ZFP36: variants seen among roughly 807,000 people sequenced by gnomAD.
The protein encoded by ZFP36 is mRNA decay activator protein ZFP36.
In ZFP36, 13 loss-of-function variants were observed where a neutral mutation model predicts 19.8. That is an observed-to-expected ratio of 0.66 (90% CI 0.43 to 1.04). ZFP36 has a LOEUF of 1.04. Ranked by LOEUF, ZFP36 falls within the 50% of genes least tolerant of loss-of-function variation. ZFP36 has a pLI of 0.00. For missense variants in ZFP36, 354 were observed against 441.6 expected (o/e 0.80, Z 1.78); for synonymous variants, 191 against 194.5 (o/e 0.98, Z 0.15).
rs1244632460 is a variant in ZFP36 at position 39,408,610 on chromosome 19, G to A, written c.892G>A (p.Val298Ile). 1 of 1,611,162 alleles carries A rather than the reference G, an allele frequency of 6.2e-7. No homozygotes were observed. The highest frequency in any genetic ancestry group is 1.7e-5 in the Admixed American group (1 of 59,398). Residue 298 changes from valine to isoleucine, a missense_variant, in exon 2 of 2, where the codon GTC becomes ATC. Physicochemically the swap from Val to Ile is conservative, Grantham distance 29 (BLOSUM62 3). Coordinates refer to ENST00000597629, the MANE Select transcript of ZFP36 (RefSeq NM_003407.5). This position sits in a 1 kb window ranked among gnomAD's most constrained non-coding sequence, Gnocchi z 6.0. ...CAGCCTGGGGGGCTCTGACTCTCCC[G>A]TCTTCGAGGCGGGAGTTTTTGCACC... ...GSSLGGSDSP[V>I]FEAGVFAPPQ... is the part of the protein sequence containing the mutation.
At position 39,408,680 on chromosome 19, in the gene ZFP36, G is replaced by T; in HGVS notation, c.962G>T (p.Arg321Leu). ...CCCCGGCGACTCCCCATCTTCAATC[G>T]CATCTCTGTTTCTGAGTGACAAAGT... is the stretch of plus-strand genomic sequence containing the variant. ...AAPRRLPIFN[R>L]ISVSE Residue 321 changes from arginine (R) to leucine (L), a missense_variant, in exon 2 of 2, where the codon CGC becomes CTC. Coordinates refer to ENST00000597629, the MANE Select transcript of ZFP36 (RefSeq NM_003407.5). This position sits in a 1 kb window ranked among gnomAD's most constrained non-coding sequence, Gnocchi z 6.0. 1.9e-6 allele frequency: 3 copies of T among 1,565,838 alleles called. No homozygotes were observed. The highest frequency in any genetic ancestry group is 2.6e-6 in the Non-Finnish European group (3 of 1,161,128).
Position 39,408,434 on chromosome 19 carries a change from C to T in ZFP36, c.716C>T (p.Pro239Leu), listed in dbSNP as rs1256123375. ...PSAFSAAPGT[P>L]LARRDPTPVC... ...GCCTTCTCTGCTGCCCCTGGCACCC[C>T]CCTGGCTCGAAGAGACCCCACCCCA... The change falls in exon 2 of 2, where the codon CCC (proline) becomes CTC (leucine). Residue 239 changes from proline to leucine, a missense_variant. Physicochemically the swap from Pro to Leu is moderately conservative, Grantham distance 98. Transcript: ENST00000597629. This position sits in a 1 kb window ranked among gnomAD's most constrained non-coding sequence, Gnocchi z 6.0. 13 of 1,613,000 alleles carry T rather than the reference C, an allele frequency of 8.1e-6. No homozygotes were observed. Among genetic ancestry groups the T allele is most frequent in the Admixed American group, 3.3e-5 (2 of 59,930 alleles).
In ZFP36 at chr19:39,407,880, G is replaced by T. The variant is rs752591532; in HGVS notation, c.162G>T (p.Leu54=). 6.2e-7 allele frequency: 1 copy of T among 1,604,340 alleles called. No homozygotes were observed. Among genetic ancestry groups the T allele is most frequent in the South Asian group, 1.1e-5 (1 of 90,934 alleles). ...GCCCGTCTGGGGTCACCTCCCGCCT[G>T]CCTGGCCGCTCCACCAGCCTAGTGG... is the stretch of plus-strand genomic sequence containing the variant. ...DSSPSGVTSR[L]PGRSTSLVEG... is the part of the protein sequence containing the mutation. Residue 54 remains leucine, a synonymous_variant, in exon 2 of 2, where the codon CTG becomes CTT. Transcript: ENST00000597629. The surrounding 1 kb of genome is among the most constrained non-coding windows in gnomAD (Gnocchi z 7.6).
At position 39,406,893 on chromosome 19, in the gene ZFP36, A is replaced by T; in HGVS notation, c.-12A>T. On this transcript the variant is annotated 5_prime_UTR_variant, in exon 1 of 2. Coordinates refer to ENST00000597629, the MANE Select transcript of ZFP36 (RefSeq NM_003407.5). ...CTCTCGGCCGACACCCCTCATGGCC[A>T]ACCGTTACACCATGGATCTGACTGC... is the stretch of plus-strand genomic sequence containing the variant. The T allele has an allele frequency of 6.2e-7, 1 of 1,606,568 alleles. No homozygotes were observed. The highest frequency in any genetic ancestry group is 8.5e-7 in the Non-Finnish European group (1 of 1,177,250).
chr19:39,408,255 T>G lies in ZFP36; in HGVS notation c.537T>G (p.Pro179=). The change falls in exon 2 of 2, where the codon CCT becomes CCG. Residue 179 remains proline, a synonymous_variant. Transcript: ENST00000597629. The surrounding 1 kb of genome is among the most constrained non-coding windows in gnomAD (Gnocchi z 6.0). ...SEDLAAPGHP[P]VLRQSISFSG... ...ACCTGGCGGCCCCGGGCCACCCTCCTGTGCTTCGCCAGAGCATCAGCTTCT... is the reference window on the plus strand; with the variant it reads ...ACCTGGCGGCCCCGGGCCACCCTCCGGTGCTTCGCCAGAGCATCAGCTTCT... The G allele has an allele frequency of 1.2e-6, 2 of 1,613,720 alleles. No homozygotes were observed. The highest frequency in any genetic ancestry group is 2.2e-5 in the East Asian group (1 of 44,884).
Position 39,407,796 on chromosome 19 carries a change from T to C in ZFP36, c.78T>C (p.Thr26=). Residue 26 remains threonine, a synonymous_variant, in exon 2 of 2, where the codon ACT becomes ACC. Transcript: ENST00000597629. This position sits in a 1 kb window ranked among gnomAD's most constrained non-coding sequence, Gnocchi z 7.6. ...CCGTGCCATCCGACCATGGAGGGAC[T>C]GAGTCCAGCCCAGGCTGGGGCTCCT... ...DVPVPSDHGG[T]ESSPGWGSSG... The C allele has an allele frequency of 6.3e-7, 1 of 1,585,040 alleles. No homozygotes were observed. The highest frequency in any genetic ancestry group is 8.6e-7 in the Non-Finnish European group (1 of 1,168,572).
chr19:39,406,890 G>T lies in ZFP36; in HGVS notation c.-15G>T. ...CCACTCTCGGCCGACACCCCTCATG[G>T]CCAACCGTTACACCATGGATCTGAC... On this transcript the variant is annotated 5_prime_UTR_variant, in exon 1 of 2. Transcript: ENST00000597629. 1 of 1,608,338 alleles carries T rather than the reference G, an allele frequency of 6.2e-7. No homozygotes were observed. Among genetic ancestry groups the T allele is most frequent in the Non-Finnish European group, 8.5e-7 (1 of 1,178,216 alleles).
rs774467387 is a variant in ZFP36, at chr19:39,408,299, G to A, written c.581G>A (p.Arg194His). 8.7e-6 allele frequency: 14 copies of A among 1,613,134 alleles called. No homozygotes were observed. Among genetic ancestry groups the A allele is most frequent in the African/African-American group, 1.3e-5 (1 of 74,926 alleles). ...AGCTTCTCCGGCCTGCCCTCTGGCC[G>A]CCGGACCTCACCACCACCACCAGGC... ...SISFSGLPSGRRTSPPPPGLA... is the reference protein window; with the variant it reads ...SISFSGLPSGHRTSPPPPGLA... The change falls in exon 2 of 2, where the codon CGC becomes CAC. Residue 194 changes from arginine (R) to histidine (H), a missense_variant. By Grantham distance (29) the Arg-to-His change is conservative (BLOSUM62 0). Coordinates refer to ENST00000597629, the MANE Select transcript of ZFP36 (RefSeq NM_003407.5). This position sits in a 1 kb window ranked among gnomAD's most constrained non-coding sequence, Gnocchi z 6.0.
chr19:39,407,809 G>A lies in ZFP36; in HGVS notation c.91G>A (p.Gly31Ser). ...SDHGGTESSP[G>S]WGSSGPWSLS... Reference sequence around the variant, plus strand: ...CCATGGAGGGACTGAGTCCAGCCCAGGCTGGGGCTCCTCGGGACCCTGGAG... The same window carrying A: ...CCATGGAGGGACTGAGTCCAGCCCAAGCTGGGGCTCCTCGGGACCCTGGAG... The change falls in exon 2 of 2, where the codon GGC becomes AGC. Residue 31 changes from glycine (G) to serine (S), a missense_variant. Physicochemically the swap from Gly to Ser is moderately conservative, Grantham distance 56. Transcript: ENST00000597629. The surrounding 1 kb of genome is among the most constrained non-coding windows in gnomAD (Gnocchi z 7.6). 6.3e-7 allele frequency: 1 copy of A among 1,598,886 alleles called. No homozygotes were observed. Among genetic ancestry groups the A allele is most frequent in the South Asian group, 1.1e-5 (1 of 89,346 alleles).
Position 39,408,490 on chromosome 19 carries a change from C to T in ZFP36, c.772C>T (p.Pro258Ser), listed in dbSNP as rs370842483. The T allele has an allele frequency of 1.2e-6, 2 of 1,605,870 alleles. No individual in the cohort carries two copies. The highest frequency in any genetic ancestry group is 1.7e-6 in the Non-Finnish European group (2 of 1,175,452). ...VCCPSCRRATPISVWGPLGGL... is the reference protein window; with the variant it reads ...VCCPSCRRATSISVWGPLGGL... ...TTGCCCCTCCTGCCGAAGGGCCACTCCTATCAGCGTCTGGGGGCCCTTGGG... is the reference window on the plus strand; with the variant it reads ...TTGCCCCTCCTGCCGAAGGGCCACTTCTATCAGCGTCTGGGGGCCCTTGGG... Residue 258 changes from proline to serine, a missense_variant, in exon 2 of 2, where the codon CCT becomes TCT. Coordinates refer to ENST00000597629, the MANE Select transcript of ZFP36 (RefSeq NM_003407.5). The surrounding 1 kb of genome is among the most constrained non-coding windows in gnomAD (Gnocchi z 6.0).
At position 39,408,219 on chromosome 19, in the gene ZFP36, C is replaced by T. The variant is rs1185737406; in HGVS notation, c.501C>T (p.Asn167=). ...GCTCTCGCTGCCACTTCATCCACAA[C>T]CCTAGCGAAGACCTGGCGGCCCCGG... The part of the protein sequence containing the change: ...PYGSRCHFIH[N]PSEDLAAPGH... Residue 167 remains asparagine, a synonymous_variant, in exon 2 of 2, where the codon AAC becomes AAT. Transcript: ENST00000597629. This position sits in a 1 kb window ranked among gnomAD's most constrained non-coding sequence, Gnocchi z 6.0. 6.2e-7 allele frequency: 1 copy of T among 1,614,010 alleles called. No individual in the cohort carries two copies. The highest frequency in any genetic ancestry group is 2.2e-5 in the East Asian group (1 of 44,886).
rs762496446 is a variant in ZFP36 at position 39,408,449 on chromosome 19, A to C, written c.731A>C (p.Asp244Ala). The change falls in exon 2 of 2, where the codon GAC (aspartate) becomes GCC (alanine). Residue 244 changes from aspartate (D) to alanine (A), a missense_variant. Asp to Ala is a moderately radical substitution (Grantham distance 126). Coordinates refer to ENST00000597629, the MANE Select transcript of ZFP36 (RefSeq NM_003407.5). This position sits in a 1 kb window ranked among gnomAD's most constrained non-coding sequence, Gnocchi z 6.0. ...AAPGTPLARR[D>A]PTPVCCPSCR... ...CCTGGCACCCCCCTGGCTCGAAGAG[A>C]CCCCACCCCAGTCTGTTGCCCCTCC... 3.7e-6 allele frequency: 6 copies of C among 1,610,262 alleles called. No individual in the cohort carries two copies. Among genetic ancestry groups the C allele is most frequent in the East Asian group, 4.5e-5 (2 of 44,838 alleles).
At position 39,408,816 on chromosome 19, in the gene ZFP36, C is replaced by G; in HGVS notation, c.*117C>G. ...ACTTGGGGGACAGTAATCAAGTAATCCCCTTTTCCAGAATGCATTAACCCA... is the reference window on the plus strand; with the variant it reads ...ACTTGGGGGACAGTAATCAAGTAATGCCCTTTTCCAGAATGCATTAACCCA... On this transcript the variant is annotated 3_prime_UTR_variant, in exon 2 of 2. Coordinates refer to ENST00000597629, the MANE Select transcript of ZFP36 (RefSeq NM_003407.5). The surrounding 1 kb of genome is among the most constrained non-coding windows in gnomAD (Gnocchi z 6.0). The G allele has an allele frequency of 9.2e-7, 1 of 1,084,008 alleles. No individual in the cohort carries two copies. Among genetic ancestry groups the G allele is most frequent in the Non-Finnish European group, 1.3e-6 (1 of 771,042 alleles). The allele number at this position is 1,084,008 out of a possible 1,614,324, so 67.1% of individuals were successfully genotyped here. A position where few individuals can be genotyped will look rare whatever the true frequency, so the allele number is the denominator to read the frequency against.
rs751508325 is a variant in ZFP36, at chr19:39,408,126, C to T, written c.408C>T (p.Ala136=). The part of the protein sequence containing the change: ...FAHGLGELRQ[A]NRHPKYKTEL... ...ATGGCCTGGGCGAGCTGCGCCAGGC[C>T]AATCGCCACCCCAAATACAAGACGG... Residue 136 remains alanine, a synonymous_variant, in exon 2 of 2, where the codon GCC becomes GCT. Coordinates refer to ENST00000597629, the MANE Select transcript of ZFP36 (RefSeq NM_003407.5). This position sits in a 1 kb window ranked among gnomAD's most constrained non-coding sequence, Gnocchi z 6.0. 2 of 1,613,856 alleles carry T rather than the reference C, an allele frequency of 1.2e-6. No homozygotes were observed. The highest frequency in any genetic ancestry group is 1.3e-5 in the African/African-American group (1 of 74,934).
Position 39,408,091 on chromosome 19 carries a change from C to T in ZFP36, c.373C>T (p.Gln125Ter). Reference protein sequence around the residue: ...SGRCRYGAKCQFAHGLGELRQ... With the variant: ...SGRCRYGAKC The stretch of plus-strand genomic sequence containing the variant: ...GCGCTGCCGCTACGGGGCCAAGTGC[C>T]AGTTTGCCCATGGCCTGGGCGAGCT... Residue 125 changes from glutamine (Q) to a stop codon, truncating the protein, a stop_gained, in exon 2 of 2, where the codon CAG becomes TAG. Transcript: ENST00000597629. LOFTEE classifies it high-confidence loss of function. The surrounding 1 kb of genome is among the most constrained non-coding windows in gnomAD (Gnocchi z 6.0). 6.2e-7 allele frequency: 1 copy of T among 1,613,994 alleles called. No homozygotes were observed. Among genetic ancestry groups the T allele is most frequent in the Non-Finnish European group, 8.5e-7 (1 of 1,180,030 alleles).
chr19:39,408,596 G>A lies in ZFP36; in HGVS notation c.878G>A (p.Gly293Asp), dbSNP rs2045646151. The change falls in exon 2 of 2, where the codon GGC (glycine) becomes GAC (aspartate). Residue 293 changes from glycine (G) to aspartate (D), a missense_variant. Transcript: ENST00000597629. This position sits in a 1 kb window ranked among gnomAD's most constrained non-coding sequence, Gnocchi z 6.0. ...GCCAGCAGCGGCAGCAGCCTGGGGGGCTCTGACTCTCCCGTCTTCGAGGCG... is the reference window on the plus strand; with the variant it reads ...GCCAGCAGCGGCAGCAGCCTGGGGGACTCTGACTCTCCCGTCTTCGAGGCG... ...EYASSGSSLG[G>D]SDSPVFEAGV... is the part of the protein sequence containing the mutation. The A allele has an allele frequency of 5.0e-6, 8 of 1,613,394 alleles. No individual in the cohort carries two copies. Among genetic ancestry groups the A allele is most frequent in the Non-Finnish European group, 6.8e-6 (8 of 1,179,722 alleles).
Position 39,408,738 on chromosome 19 carries a change from G to T in ZFP36, c.*39G>T. 1 of 1,519,132 alleles carries T rather than the reference G, an allele frequency of 6.6e-7. No homozygotes were observed. Among genetic ancestry groups the T allele is most frequent in the Admixed American group, 2.1e-5 (1 of 47,804 alleles). The allele number at this position is 1,519,132 out of a possible 1,614,324, so 94.1% of individuals were successfully genotyped here. On this transcript the variant is annotated 3_prime_UTR_variant, in exon 2 of 2. Coordinates refer to ENST00000597629, the MANE Select transcript of ZFP36 (RefSeq NM_003407.5). The surrounding 1 kb of genome is among the most constrained non-coding windows in gnomAD (Gnocchi z 6.0). ...CGGTCAGATCAGCTGGATCTCAGCG[G>T]GGAGCCACGTCTCTTGCACTGTGGT... is the stretch of plus-strand genomic sequence containing the variant.
Position 39,408,538 on chromosome 19 carries a change from G to A in ZFP36, c.820G>A (p.Val274Ile). The A allele has an allele frequency of 6.8e-6, 11 of 1,612,246 alleles. No individual in the cohort carries two copies. Among genetic ancestry groups the A allele is most frequent in the Non-Finnish European group, 8.5e-6 (10 of 1,178,996 alleles). ...PLGGLVRTPS[V>I]QSLGSDPDEY... is the part of the protein sequence containing the mutation. ...GGGTGGCCTGGTTCGGACCCCCTCT[G>A]TACAGTCCCTGGGATCCGACCCTGA... The change falls in exon 2 of 2, where the codon GTA becomes ATA. Residue 274 changes from valine to isoleucine, a missense_variant. By Grantham distance (29) the Val-to-Ile change is conservative. Coordinates refer to ENST00000597629, the MANE Select transcript of ZFP36 (RefSeq NM_003407.5). The surrounding 1 kb of genome is among the most constrained non-coding windows in gnomAD (Gnocchi z 6.0).
intron 1 of ZFP36, 27 bp downstream of exon 1, chr19:39,406,955 G>A (rs776561123): frequency 1.9e-6 from 3 of 1,610,206 alleles, no homozygotes; most frequent in Non-Finnish European, 2.5e-6. Context: ...CGGCATCCCC[G>A]GTACCTGCAT....
Sources: gnomAD v4.1 joint callset for allele counts on GRCh38, gnomAD v4.1.1 for gene constraint, Gnocchi (gnomAD v3.1) non-coding constraint, MANE v1.5 for transcripts, NCBI Gene and HGNC (gene_info 2026-07-23, HGNC 2026-07-21) for gene names.